GFOD2: variants seen among roughly 807,000 people sequenced by gnomAD.
GFOD2 encodes the protein glucose-fructose oxidoreductase domain-containing protein 2.
A neutral mutation model predicts 24.6 loss-of-function variants in GFOD2; 9 were observed. That is an observed-to-expected ratio of 0.37 (90% CI 0.22 to 0.64). The LOEUF is 0.64. GFOD2 is among the 30% of genes least tolerant of loss of function. The pLI is 0.65. For synonymous variants in GFOD2, 211 were observed against 224.8 expected (o/e 0.94, Z 0.55); for missense variants, 476 against 532.5 (o/e 0.89, Z 1.04).
intron 1 of GFOD2, among the ~76,000 whole-genome samples, chr16:67,710,107 G>C (rs1203992341): frequency 6.6e-6 from 1 of 151,758 alleles, no homozygotes; most frequent in Non-Finnish European, 1.5e-5. Context: ...ACGACACCCA[G>C]CTAATTTTTT....
At chr16:67,685,255 G>A (rs1228180181) in intron 2 of GFOD2, 1 of 1,432,466 alleles carries the variant, frequency 7.0e-7, no homozygotes, top group Non-Finnish European at 9.1e-7. Flanking sequence ...TCTGTTCAGG[G>A]ATTTACAGAT....
At chr16:67,702,582 G>T (rs966971538) in intron 1 of GFOD2, among the ~76,000 whole-genome samples, 2 of 150,170 alleles carry the variant, frequency 1.3e-5, no homozygotes, top group Non-Finnish European at 3.0e-5. Flanking sequence ...TTGTCATGAA[G>T]GTAGCCAGGA....
chr16:67,679,225 C>T (rs1044423332), intron 2 of GFOD2, among the ~76,000 whole-genome samples: 8 of 146,888 alleles, frequency 5.4e-5, no homozygotes, highest in Non-Finnish European at 1.1e-4. Flanking sequence ...TAAATAATTT[C>T]TTTTTTTTTT....
At chr16:67,706,745 T>A (rs568729445) in intron 1 of GFOD2, among the ~76,000 whole-genome samples, 1 of 151,958 alleles carries the variant, frequency 6.6e-6, no homozygotes, top group East Asian at 1.9e-4. Context: ...ATTAAAAAAA[T>A]GAAAATGCAA....
At chr16:67,695,896 T>C (rs2053354936) in intron 1 of GFOD2, among the ~76,000 whole-genome samples, 1 of 152,138 alleles carries the variant, frequency 6.6e-6, no homozygotes, top group African/African-American at 2.4e-5. Context: ...ACACAGTCCA[T>C]GTCTTCTCTA....
intron 1 of GFOD2, among the ~76,000 whole-genome samples, chr16:67,707,213 C>T (rs763217490): frequency 1.4e-4 from 21 of 151,738 alleles, no homozygotes; most frequent in Non-Finnish European, 2.6e-4. Context: ...ACAAAAATAG[C>T]CTGGTGTGGT....
intron 1 of GFOD2, among the ~76,000 whole-genome samples, chr16:67,700,315 C>T (rs1405058098): frequency 1.3e-5 from 2 of 151,472 alleles, no homozygotes; most frequent in African/African-American, 2.4e-5. Flanking sequence ...GCAGAGGTTG[C>T]AGTGAGCTGA....
chr16:67,701,786 A>T (rs1247039142), intron 1 of GFOD2, among the ~76,000 whole-genome samples: 1 of 120,838 alleles, frequency 8.3e-6, no homozygotes, highest in East Asian at 2.1e-4. Flanking sequence ...GACCCCACTT[A>T]AAAAAAAAAA....
At chr16:67,713,813 T>C (rs1435586910) in intron 1 of GFOD2, among the ~76,000 whole-genome samples, 1 of 151,936 alleles carries the variant, frequency 6.6e-6, no homozygotes, top group African/African-American at 2.4e-5. Flanking sequence ...TCCCCAGAGG[T>C]TGCAGAGTGG....
chr16:67,699,874 G>A (rs1417667011), intron 1 of GFOD2, among the ~76,000 whole-genome samples: 1 of 151,308 alleles, frequency 6.6e-6, no homozygotes, highest in African/African-American at 2.4e-5. Flanking sequence ...GAGGCCAGGA[G>A]TTCAAGACCA....
intron 1 of GFOD2, among the ~76,000 whole-genome samples, chr16:67,700,310 G>C (rs907951033): frequency 1.3e-5 from 2 of 152,012 alleles, no homozygotes; most frequent in Non-Finnish European, 2.9e-5. Flanking sequence ...GGGAAGCAGA[G>C]GTTGCAGTGA....
At chr16:67,681,735 G>A (rs1332607307) in intron 2 of GFOD2, 1 of 985,114 alleles carries the variant, frequency 1.0e-6, no homozygotes, top group Non-Finnish European at 1.2e-6. Flanking sequence ...TTAAACTTAG[G>A]GCTCAGTAGT....
At chr16:67,690,398 A>AT (rs1299554106) in intron 1 of GFOD2, among the ~76,000 whole-genome samples, 8,480 of 137,100 alleles carry the variant, frequency 0.062, 357 homozygotes, top group Middle Eastern at 0.15. Flanking sequence ...ATTATTCACT[A>AT]TTTTTTTTTT....
chr16:67,695,213 T>G (rs2053349812), intron 1 of GFOD2, among the ~76,000 whole-genome samples: 1 of 152,034 alleles, frequency 6.6e-6, no homozygotes, highest in Admixed American at 6.6e-5. Context: ...GCCAGGCTGG[T>G]CTCGAACTCC....
chr16:67,675,880 C>A lies in GFOD2; in HGVS notation c.433G>T (p.Val145Leu). Residue 145 changes from valine (V) to leucine (L), a missense_variant, in exon 3 of 3, where the codon GTG becomes TTG. Transcript: ENST00000268797. ...QLISEHYVGA[V>L]MICDARIYSG... Reference sequence around the variant, plus strand: ...TAGATGCGGGCATCACAGATCATCACCGCTCCCACATAGTGTTCCGAAATC... The same window carrying A: ...TAGATGCGGGCATCACAGATCATCAACGCTCCCACATAGTGTTCCGAAATC... The A allele has an allele frequency of 1.9e-6, 3 of 1,614,170 alleles. No homozygotes were observed. Among genetic ancestry groups the A allele is most frequent in the Non-Finnish European group, 2.5e-6 (3 of 1,180,042 alleles).
intron 1 of GFOD2, among the ~76,000 whole-genome samples, chr16:67,705,642 A>G (rs2053433710): frequency 6.6e-6 from 1 of 152,162 alleles, no homozygotes; most frequent in Non-Finnish European, 1.5e-5. Context: ...GCTTTTAAAA[A>G]ATGTACCTGT....
chr16:67,711,485 A>G (rs1053672043), intron 1 of GFOD2, among the ~76,000 whole-genome samples: 2 of 151,604 alleles, frequency 1.3e-5, no homozygotes, highest in African/African-American at 4.9e-5. Flanking sequence ...TTCTATCTAT[A>G]CTCACTCCCT....
intron 1 of GFOD2, among the ~76,000 whole-genome samples, chr16:67,696,687 A>C (rs1442726526): frequency 6.6e-6 from 1 of 151,788 alleles, no homozygotes; most frequent in Non-Finnish European, 1.5e-5. Context: ...GTTAGCCAGG[A>C]TGGTCTGGAT....
intron 1 of GFOD2, among the ~76,000 whole-genome samples, chr16:67,714,473 C>CAA (rs1265596335): frequency 0.06 from 3,234 of 53,556 alleles, 68 homozygotes; most frequent in Middle Eastern, 0.22. Flanking sequence ...AACACTGTCT[C>CAA]AAAAAAAAAA....
Sources: gnomAD v4.1 joint callset for allele counts (sites outside exome capture counted in the v4.1 genomes callset) on GRCh38, gnomAD v4.1.1 for gene constraint, MANE v1.5 for transcripts, NCBI Gene and HGNC (gene_info 2026-07-23, HGNC 2026-07-21) for gene names.